The following SNRK variants were observed in gnomAD, a reference collection of about 807,000 sequenced individuals.
SNRK encodes the protein SNF-related serine/threonine-protein kinase.
In SNRK, 3 loss-of-function variants were observed where a neutral mutation model predicts 48.2. The observed-to-expected ratio is 0.06, with a 90% CI of 0.03 to 0.16. The LOEUF (loss-of-function observed/expected upper bound fraction) is 0.16, where lower values mean the gene tolerates loss of function less well. Among genes scored for constraint, SNRK ranks in the 10% least tolerant of loss-of-function variants. The pLI is 1.00. For synonymous variants in SNRK, 376 were observed against 366.1 expected, an observed-to-expected ratio of 1.03 and a Z score of -0.31; for missense variants, 627 against 976.0, an observed-to-expected ratio of 0.64 and a Z score of 4.76.
At chr3:43,290,292 A>G (rs2090801106) in intron 1 of SNRK, among the ~76,000 whole-genome samples, 1 of 152,246 alleles carries the variant, frequency 6.6e-6, no homozygotes, top group South Asian at 2.1e-4. Context: ...TCAGCTTGTT[A>G]TGGAAACCAC....
chr3:43,286,911 G>GCGGCGGGGCCCGGCGGGGCC (rs1370475956), intron 1 of SNRK, among the ~76,000 whole-genome samples: 3 of 145,162 alleles, frequency 2.1e-5, no homozygotes, highest in Non-Finnish European at 4.6e-5. Context: ...CGGCGGGGCG[G>GCGGCGGGGCCCGGCGGGGCC]CGGCGGGGCC....
At chr3:43,310,253 A>G (rs2090970082) in intron 3 of SNRK, among the ~76,000 whole-genome samples, 1 of 151,890 alleles carries the variant, frequency 6.6e-6, no homozygotes, top group Non-Finnish European at 1.5e-5. Context: ...TTGCCTTATT[A>G]TTTATTACCT....
rs1268974204 is a variant in SNRK at position 43,286,659 on chromosome 3, C to T, written c.-185C>T. 6.7e-6 allele frequency: 1 copy of T among 149,780 alleles called. No individual in the cohort carries two copies. The highest frequency in any genetic ancestry group is 6.6e-5 in the Admixed American group (1 of 15,064). 9.3% of individuals were successfully genotyped at this position (149,780 alleles called of 1,614,324 possible). A position where few individuals can be genotyped will look rare whatever the true frequency, so the allele number is the denominator to read the frequency against. ...GCGCCGCGGCCGCTGCGGACGGACG[C>T]TCGCCTGCCGGCTGAGGTAGGGGCG... On this transcript the variant is annotated 5_prime_UTR_variant, in exon 1 of 7. Coordinates refer to ENST00000296088, the MANE Select transcript of SNRK (RefSeq NM_017719.5).
intron 3 of SNRK, among the ~76,000 whole-genome samples, chr3:43,316,760 G>A (rs1417439512): frequency 2.0e-5 from 3 of 151,582 alleles, no homozygotes; most frequent in African/African-American, 7.3e-5. Flanking sequence ...CTTCAAGCTA[G>A]ACCCCCCTCC....
At chr3:43,294,913 C>T (rs2090840867) in intron 1 of SNRK, among the ~76,000 whole-genome samples, 1 of 152,058 alleles carries the variant, frequency 6.6e-6, no homozygotes, top group Non-Finnish European at 1.5e-5. Context: ...TTTTCCTGGG[C>T]ACAATAAGTA....
chr3:43,316,283 G>A (rs528189767), intron 3 of SNRK, among the ~76,000 whole-genome samples: 13 of 152,010 alleles, frequency 8.6e-5, no homozygotes, highest in South Asian at 6.3e-4. Context: ...TAGTTTAGTG[G>A]TAGGGTAGGA....
At position 43,298,327 on chromosome 3, in the gene SNRK, CA is replaced by C. The variant is rs1322205315; in HGVS notation, c.-168-1426del. 2.0e-5 allele frequency among the ~76,000 whole-genome samples: 3 copies of C among 152,090 alleles called. No homozygotes were observed. The East Asian group carries it at 5.8e-4, about 29-fold the overall frequency. On this transcript the variant is annotated intron_variant, in intron 1 of 6. Coordinates refer to ENST00000296088, the MANE Select transcript of SNRK (RefSeq NM_017719.5). Reference sequence around the variant, plus strand: ...TTTGCCACAGAGACTAGGGATGAAACAGGGGCTGCTGGAAAAAGAGAAGCAG... The same window carrying C: ...TTTGCCACAGAGACTAGGGATGAAACGGGGCTGCTGGAAAAAGAGAAGCAG...
chr3:43,305,334 G>A (rs1490201429), intron 3 of SNRK, among the ~76,000 whole-genome samples: 1 of 152,150 alleles, frequency 6.6e-6, no homozygotes, highest in Non-Finnish European at 1.5e-5. Flanking sequence ...ATTGTTGAAT[G>A]TACAGCAGGG....
rs141945637 is a variant in SNRK, at chr3:43,346,476, G to A, written c.1080-863G>A. Among the ~76,000 whole-genome samples, 60 of 152,332 alleles carry A rather than the reference G, an allele frequency of 3.9e-4. No homozygotes were observed. The East Asian group carries it at 0.011, about 27-fold the overall frequency. ...ATTCATCTTCTTTGGGTACCAAGCA[G>A]TATTCTTGTTACTTTGGCAACTCCA... On this transcript the variant is annotated intron_variant, in intron 6 of 6. Transcript: ENST00000296088.
intron 3 of SNRK, among the ~76,000 whole-genome samples, chr3:43,318,619 A>G (rs1177615720): frequency 2.0e-5 from 3 of 152,170 alleles, no homozygotes; most frequent in Non-Finnish European, 4.4e-5. Flanking sequence ...TTGCAAGACA[A>G]AAAAATCAGC....
intron 3 of SNRK, among the ~76,000 whole-genome samples, chr3:43,311,603 G>GAGTGC (rs1367961543): frequency 5.9e-5 from 9 of 152,318 alleles, no homozygotes; most frequent in African/African-American, 2.2e-4. Flanking sequence ...TCCTGTGGTA[G>GAGTGC]AGTGCAGTGC....
chr3:43,332,739 C>G (rs2091155979), intron 4 of SNRK: 1 of 152,940 alleles, frequency 6.5e-6, no homozygotes, highest in Non-Finnish European at 1.5e-5. Flanking sequence ...CATCAACACA[C>G]TATTTTAGGG....
At chr3:43,341,661 A>G (rs2091238829) in intron 5 of SNRK, among the ~76,000 whole-genome samples, 1 of 152,216 alleles carries the variant, frequency 6.6e-6, no homozygotes, top group Non-Finnish European at 1.5e-5. Flanking sequence ...GAGGCAAAAA[A>G]GGGGCTCCCA....
At chr3:43,340,866 C>G (rs896921315) in intron 5 of SNRK, among the ~76,000 whole-genome samples, 6 of 152,194 alleles carry the variant, frequency 3.9e-5, no homozygotes, top group African/African-American at 1.4e-4. Context: ...GAGAACAGTA[C>G]CACCTGCCTA....
At chr3:43,295,937 A>T (rs1032685164) in intron 1 of SNRK, among the ~76,000 whole-genome samples, 10 of 151,984 alleles carry the variant, frequency 6.6e-5, no homozygotes, top group African/African-American at 2.2e-4. Context: ...TGGGGTTTCA[A>T]CATGTTGGCC....
intron 5 of SNRK, chr3:43,340,783 G>A: frequency 2.4e-6 from 1 of 409,376 alleles, no homozygotes; most frequent in Non-Finnish European, 4.5e-6. Flanking sequence ...AGCTTGTTTT[G>A]TATCCCAGTA....
intron 3 of SNRK, among the ~76,000 whole-genome samples, chr3:43,319,420 C>T (rs1048488452): frequency 3.3e-5 from 5 of 152,142 alleles, no homozygotes; most frequent in Admixed American, 2.0e-4. Flanking sequence ...ATCGAAATCT[C>T]GGCACCTGGA....
At chr3:43,336,487 A>G (rs2091189708) in intron 4 of SNRK, among the ~76,000 whole-genome samples, 1 of 152,090 alleles carries the variant, frequency 6.6e-6, no homozygotes. Context: ...GTGTGCCACC[A>G]TGCCTGGCTA....
At chr3:43,321,245 A>G (rs1263808900) in intron 3 of SNRK, among the ~76,000 whole-genome samples, 2 of 152,222 alleles carry the variant, frequency 1.3e-5, no homozygotes, top group Non-Finnish European at 2.9e-5. Flanking sequence ...TGACTCTTCC[A>G]GCTGTTGTCA....
Sources: gnomAD v4.1 joint callset for allele counts (sites outside exome capture counted in the v4.1 genomes callset) on GRCh38, gnomAD v4.1.1 for gene constraint, MANE v1.5 for transcripts, NCBI Gene and HGNC (gene_info 2026-07-23, HGNC 2026-07-21) for gene names.